Variants in SH2D3C observed in about 807,000 individuals in gnomAD.
The protein encoded by SH2D3C is SH2 domain-containing protein 3C.
SH2D3C carries 25 observed loss-of-function variants against 75.2 expected under a neutral mutation model. The ratio of observed to expected loss-of-function variants is 0.33; its 90% CI spans 0.24 to 0.46. The LOEUF (loss-of-function observed/expected upper bound fraction) is 0.46, where lower values mean the gene tolerates loss of function less well. SH2D3C is among the 20% of genes least tolerant of loss of function. SH2D3C has a pLI of 1.00. For missense variants in SH2D3C, 933 were observed against 1,165.3 expected (o/e 0.80, Z 2.90); for synonymous variants, 450 against 473.7 (o/e 0.95, Z 0.65).
Position 127,751,199 on chromosome 9 carries a change from G to T in SH2D3C, c.657C>A (p.Ala219=), listed in dbSNP as rs1391711481. ...CTCGGGGGATGCGGCCATGGTACCA[G>T]GCATGGCTGCGGAGATCCGTGCTGC... ...KLSSTDLRSH[A]WYHGRIPREV... is the part of the protein sequence containing the mutation. The change falls in exon 4 of 12, where the codon GCC becomes GCA. Residue 219 remains alanine, a synonymous_variant. Coordinates refer to ENST00000314830, the MANE Select transcript of SH2D3C (RefSeq NM_170600.3). This position sits in a 1 kb window ranked among gnomAD's most constrained non-coding sequence, Gnocchi z 4.1. 1.1e-5 allele frequency: 17 copies of T among 1,613,952 alleles called. No individual in the cohort carries two copies. Among genetic ancestry groups the T allele is most frequent in the Non-Finnish European group, 1.4e-5 (17 of 1,179,956 alleles).
chr9:127,772,459 G>A (rs1248633241), intron 2 of SH2D3C, among the ~76,000 whole-genome samples: 2 of 152,048 alleles, frequency 1.3e-5, no homozygotes, highest in Admixed American at 1.3e-4. Context: ...GGTCAGGCTG[G>A]TCTCTTTGGC....
intron 3 of SH2D3C, among the ~76,000 whole-genome samples, chr9:127,759,451 G>A (rs766268035): frequency 1.5e-4 from 23 of 152,250 alleles, no homozygotes; most frequent in Middle Eastern, 3.4e-3. Flanking sequence ...GCTGACCTCA[G>A]GTGATCTGCC....
At chr9:127,756,161 G>C (rs1186959780) in intron 3 of SH2D3C, among the ~76,000 whole-genome samples, 2 of 152,182 alleles carry the variant, frequency 1.3e-5, no homozygotes, top group Admixed American at 6.5e-5. Flanking sequence ...AATTAGCCGG[G>C]TGTGGTGGCG....
Position 127,741,819 on chromosome 9 carries a change from G to A in SH2D3C, c.2057C>T (p.Ala686Val), listed in dbSNP as rs1293443058. Residue 686 changes from alanine to valine, a missense_variant, in exon 9 of 12, where the codon GCG becomes GTG. Physicochemically the swap from Ala to Val is moderately conservative, Grantham distance 64. Transcript: ENST00000314830. ...RGTMGNMFSF[A>V]AVMGALDMAQ... ...CATGTCCAGGGCACCCATGACCGCC[G>A]CGAAGCTGAACATGTTGCCCATAGT... 6.2e-7 allele frequency: 1 copy of A among 1,613,344 alleles called. No homozygotes were observed.
intron 2 of SH2D3C, among the ~76,000 whole-genome samples, chr9:127,764,794 G>A (rs1407717642): frequency 3.9e-5 from 6 of 152,050 alleles, no homozygotes; most frequent in Non-Finnish European, 7.4e-5. Context: ...TGCAACCTCC[G>A]CCTCCCGTGT....
At chr9:127,757,639 G>GATTATTATTATTATT (rs1491164746) in intron 3 of SH2D3C, among the ~76,000 whole-genome samples, 42 of 115,304 alleles carry the variant, frequency 3.6e-4, no homozygotes, top group East Asian at 3.0e-3. Context: ...TGATGATGAT[G>GATTATTATTATTATT]ATGATGATTA....
At chr9:127,776,521 C>A (rs1401054046) in intron 1 of SH2D3C, among the ~76,000 whole-genome samples, 6 of 152,180 alleles carry the variant, frequency 3.9e-5, no homozygotes, top group Non-Finnish European at 8.8e-5. Flanking sequence ...TGAGTTCCCT[C>A]CCCCTGCCCC....
chr9:127,742,092 G>C lies in SH2D3C; in HGVS notation c.1917-133C>G, dbSNP rs949221586. On this transcript the variant is annotated intron_variant, in intron 8 of 11. Coordinates refer to ENST00000314830, the MANE Select transcript of SH2D3C (RefSeq NM_170600.3). ...ACGTGAGAGGTTGTAAGGGTCAATG[G>C]GATAAGGGGGCGCGGCCAGAGCGTG... is the stretch of plus-strand genomic sequence containing the variant. The C allele has an allele frequency of 1.1e-5, 9 of 800,400 alleles. No homozygotes were observed. In the African/African-American group the frequency reaches 1.6e-4, roughly 14 times the overall value. 49.6% of individuals were successfully genotyped at this position (800,400 alleles called of 1,614,324 possible). A position where few individuals can be genotyped will look rare whatever the true frequency, so the allele number is the denominator to read the frequency against.
intron 2 of SH2D3C, among the ~76,000 whole-genome samples, chr9:127,767,968 G>A (rs1309981549): frequency 6.6e-6 from 1 of 152,222 alleles, no homozygotes; most frequent in Admixed American, 6.5e-5. Context: ...TTGGGGGGAT[G>A]TGGATCCAGC....
chr9:127,739,655 C>T lies in SH2D3C; in HGVS notation c.2407+27G>A, dbSNP rs372764901. On this transcript the variant is annotated intron_variant, in intron 11 of 11. Coordinates refer to ENST00000314830, the MANE Select transcript of SH2D3C (RefSeq NM_170600.3). This position sits in a 1 kb window ranked among gnomAD's most constrained non-coding sequence, Gnocchi z 4.3. ...GTGGAGGGAGGCCCAGGCCTGCAAG[C>T]CCCCCAAGATGCCACCCGCCACTCA... 6.3e-6 allele frequency: 10 copies of T among 1,580,422 alleles called. No homozygotes were observed. Among genetic ancestry groups the T allele is most frequent in the Non-Finnish European group, 7.8e-6 (9 of 1,159,446 alleles).
chr9:127,765,299 A>G (rs1298801633), intron 2 of SH2D3C, among the ~76,000 whole-genome samples: 1 of 152,138 alleles, frequency 6.6e-6, no homozygotes, highest in Non-Finnish European at 1.5e-5. Flanking sequence ...CTGACCCCTC[A>G]TCTGACTTAG....
chr9:127,766,106 G>A (rs1845628661), intron 2 of SH2D3C, among the ~76,000 whole-genome samples: 1 of 152,232 alleles, frequency 6.6e-6, no homozygotes, highest in African/African-American at 2.4e-5. Flanking sequence ...TGGGCCAGAA[G>A]GAAGGGTGAC....
chr9:127,747,261 G>A lies in SH2D3C; in HGVS notation c.1150C>T (p.Pro384Ser). 1 of 1,612,876 alleles carries A rather than the reference G, an allele frequency of 6.2e-7. No individual in the cohort carries two copies. The highest frequency in any genetic ancestry group is 8.5e-7 in the Non-Finnish European group (1 of 1,179,942). ...CTGCGGATGGAGTCCCGAGGGCGGG[G>A]CAGCGACGTACTGTGGAGCAGACAC... ...SDGCPTSTSL[P>S]RPRDSIRSCA... is the part of the protein sequence containing the mutation. The change falls in exon 6 of 12, where the codon CCC becomes TCC. Residue 384 changes from proline (P) to serine (S), a missense_variant. Pro to Ser is a moderately conservative substitution (Grantham distance 74). Coordinates refer to ENST00000314830, the MANE Select transcript of SH2D3C (RefSeq NM_170600.3).
chr9:127,744,034 CAA>C (rs1039067785), intron 7 of SH2D3C, among the ~76,000 whole-genome samples: 5 of 149,618 alleles, frequency 3.3e-5, no homozygotes, highest in Non-Finnish European at 7.4e-5. Context: ...GTTTTAGTGC[CAA>C]ACTGACATCT....
intron 5 of SH2D3C, among the ~76,000 whole-genome samples, chr9:127,748,653 C>T (rs1845105650): frequency 6.6e-6 from 1 of 152,348 alleles, no homozygotes; most frequent in Admixed American, 6.5e-5. Flanking sequence ...GCACTTAACA[C>T]TTAGTAGGAT....
At chr9:127,759,194 C>A (rs1845466391) in intron 3 of SH2D3C, among the ~76,000 whole-genome samples, 1 of 152,178 alleles carries the variant, frequency 6.6e-6, no homozygotes, top group South Asian at 2.1e-4. Flanking sequence ...GTGGGGTTTT[C>A]TATATCAGCC....
In SH2D3C at chr9:127,749,275, T is replaced by A. The variant is rs1456846067; in HGVS notation, c.1075A>T (p.Ser359Cys). The A allele has an allele frequency of 1.9e-6, 3 of 1,605,068 alleles. No homozygotes were observed. The highest frequency in any genetic ancestry group is 2.6e-6 in the Non-Finnish European group (3 of 1,175,064). Residue 359 changes from serine (S) to cysteine (C), a missense_variant, in exon 5 of 12, where the codon AGC becomes TGC. By Grantham distance (112) the Ser-to-Cys change is moderately radical (BLOSUM62 -1). Transcript: ENST00000314830. This position sits in a 1 kb window ranked among gnomAD's most constrained non-coding sequence, Gnocchi z 5.9. ...GPKGSHMKRRSVTMTDGLTAD... is the reference protein window; with the variant it reads ...GPKGSHMKRRCVTMTDGLTAD... Reference sequence around the variant, plus strand: ...GTGAGCCCATCGGTCATGGTGACGCTGCGCCGCTTCATGTGGCTGCCCTTG... The same window carrying A: ...GTGAGCCCATCGGTCATGGTGACGCAGCGCCGCTTCATGTGGCTGCCCTTG...
chr9:127,755,041 G>C, intron 3 of SH2D3C: 1 of 1,057,238 alleles, frequency 9.5e-7, no homozygotes, highest in Non-Finnish European at 1.2e-6. Context: ...GGGGGTCCCA[G>C]CCCGGCGCGC....
chr9:127,740,140 G>A (rs541131041), intron 10 of SH2D3C, 118 bp downstream of exon 10: 8 of 880,576 alleles, frequency 9.1e-6, no homozygotes, highest in East Asian at 2.6e-5. Flanking sequence ...GGAACAGTGA[G>A]CTCAGGGAAA....
Sources: gnomAD v4.1 joint callset for allele counts (sites outside exome capture counted in the v4.1 genomes callset) on GRCh38, gnomAD v4.1.1 for gene constraint, Gnocchi (gnomAD v3.1) non-coding constraint, MANE v1.5 for transcripts, NCBI Gene and HGNC (gene_info 2026-07-23, HGNC 2026-07-21) for gene names.